Variants in PEX13 observed in about 807,000 individuals in gnomAD.
PEX13 encodes the protein peroxisome biogenesis factor 13.
Under a neutral mutation model 34.5 loss-of-function variants are expected in PEX13, and 28 were observed. The observed-to-expected ratio is 0.81, with a 90% CI of 0.60 to 1.11. The LOEUF is 1.11. Among genes scored for constraint, PEX13 ranks in the 50% most tolerant of loss-of-function variants. PEX13 has a pLI of 0.00. For missense variants in PEX13, 550 were observed against 491.0 expected (o/e 1.12, Z -1.13); for synonymous variants, 177 against 175.1 (o/e 1.01, Z -0.09).
At chr2:61,020,295 C>G (rs1680233656) in intron 1 of PEX13, among the ~76,000 whole-genome samples, 3 of 152,136 alleles carry the variant, frequency 2.0e-5, no homozygotes, top group African/African-American at 7.2e-5. Flanking sequence ...ATTTTTTATT[C>G]CTAGATTATT....
chr2:61,045,852 G>A lies in PEX13; in HGVS notation c.913+1G>A. The stretch of plus-strand genomic sequence containing the variant: ...GATATGCTGAACTTAGCTCTCAAAG[G>A]TAATAAATTATGAATAAGTTGGAAT... On this transcript the variant is annotated splice_donor_variant, in intron 3 of 3. Transcript: ENST00000295030. LOFTEE classifies it high-confidence loss of function. 6.2e-7 allele frequency: 1 copy of A among 1,610,702 alleles called. No individual in the cohort carries two copies. Among genetic ancestry groups the A allele is most frequent in the Non-Finnish European group, 8.5e-7 (1 of 1,177,012 alleles).
intron 2 of PEX13, among the ~76,000 whole-genome samples, chr2:61,038,780 A>G (rs1680574852): frequency 6.6e-6 from 1 of 152,174 alleles, no homozygotes; most frequent in Admixed American, 6.5e-5. Context: ...AGAAAGAAAT[A>G]AAGGGTATTC....
At chr2:61,030,905 T>A (rs1680438787) in intron 1 of PEX13, among the ~76,000 whole-genome samples, 1 of 151,988 alleles carries the variant, frequency 6.6e-6, no homozygotes. Flanking sequence ...GAATATGGGG[T>A]TTCTTTTTTG....
At chr2:61,020,938 A>G (rs1015763953) in intron 1 of PEX13, among the ~76,000 whole-genome samples, 1 of 152,088 alleles carries the variant, frequency 6.6e-6, no homozygotes, top group African/African-American at 2.4e-5. Context: ...TACAGGTGTG[A>G]GTCACTATGC....
intron 2 of PEX13, among the ~76,000 whole-genome samples, chr2:61,044,747 A>G (rs1680679846): frequency 6.6e-6 from 1 of 152,242 alleles, no homozygotes; most frequent in Non-Finnish European, 1.5e-5. Context: ...TGCAAAACTT[A>G]TGCTGGAGTA....
chr2:61,027,412 C>T (rs753056108), intron 1 of PEX13, among the ~76,000 whole-genome samples: 1 of 151,914 alleles, frequency 6.6e-6, no homozygotes, highest in Non-Finnish European at 1.5e-5. Context: ...CACATCAAGT[C>T]GGTCAGTTGT....
At position 61,031,728 on chromosome 2, in the gene PEX13, A is replaced by G; in HGVS notation, c.402A>G (p.Glu134=). 1 of 1,614,206 alleles carries G rather than the reference A, an allele frequency of 6.2e-7. No homozygotes were observed. The highest frequency in any genetic ancestry group is 8.5e-7 in the Non-Finnish European group (1 of 1,180,018). Residue 134 remains glutamate, a synonymous_variant, in exon 2 of 4, where the codon GAA becomes GAG. Coordinates refer to ENST00000295030, the MANE Select transcript of PEX13 (RefSeq NM_002618.4). The part of the protein sequence containing the change: ...ESSRGAFQSI[E]SIVHAFASVS... ...GCAGGGGTGCATTTCAGTCCATTGA[A>G]AGTATTGTGCATGCATTTGCCTCTG...
intron 1 of PEX13, among the ~76,000 whole-genome samples, chr2:61,024,807 T>C (rs1409076415): frequency 6.6e-6 from 1 of 152,112 alleles, no homozygotes; most frequent in Non-Finnish European, 1.5e-5. Context: ...AGACTCCATC[T>C]AAGAACAAAA....
At chr2:61,031,338 A>G (rs1022564679) in intron 1 of PEX13, 81 bp from the exon 2 acceptor site, 10 of 958,376 alleles carry the variant, frequency 1.0e-5, no homozygotes, top group Admixed American at 3.9e-5. Flanking sequence ...AGCACCAGGT[A>G]TATAGGAGAT....
intron 2 of PEX13, among the ~76,000 whole-genome samples, chr2:61,035,581 G>A (rs965119413): frequency 1.3e-5 from 2 of 152,184 alleles, no homozygotes; most frequent in Admixed American, 6.5e-5. Context: ...TTGAAAAAAG[G>A]TTAGATGAAT....
At chr2:61,018,851 A>T (rs1680178970) in intron 1 of PEX13, 1 of 152,244 alleles carries the variant, frequency 6.6e-6, no homozygotes, top group South Asian at 2.1e-4. Flanking sequence ...TTCCCCATTT[A>T]GGCTGCTTGT....
intron 2 of PEX13, 148 bp downstream of exon 2, chr2:61,032,261 T>A: frequency 3.0e-6 from 2 of 661,698 alleles, no homozygotes; most frequent in Admixed American, 5.4e-5. Context: ...CAGAGGAATA[T>A]ATAGCAAAAA....
At chr2:61,040,443 G>A (rs2104809233) in intron 2 of PEX13, among the ~76,000 whole-genome samples, 1 of 152,162 alleles carries the variant, frequency 6.6e-6, no homozygotes, top group Middle Eastern at 3.4e-3. Flanking sequence ...GCAGGGACGT[G>A]GATGAAGCTG....
chr2:61,032,113 G>C lies in PEX13; in HGVS notation c.787G>C (p.Asp263His), dbSNP rs766753038. ...LLSTHSDEVT[D>H]SINWASGEDD... ...GTCTACTCACAGTGATGAAGTAACA[G>C]GTAAGAGAACTGTAAGGGAACAGGT... The change falls in exon 2 of 4, where the codon GAC (aspartate) becomes CAC (histidine). Residue 263 changes from aspartate (D) to histidine (H), a missense_variant and splice_region_variant. By Grantham distance (81) the Asp-to-His change is moderately conservative. Coordinates refer to ENST00000295030, the MANE Select transcript of PEX13 (RefSeq NM_002618.4). The C allele has an allele frequency of 3.1e-6, 5 of 1,600,958 alleles. No homozygotes were observed. The highest frequency in any genetic ancestry group is 4.3e-6 in the Non-Finnish European group (5 of 1,168,264).
At position 61,031,997 on chromosome 2, in the gene PEX13, A is replaced by G; in HGVS notation, c.671A>G (p.Glu224Gly). 1 of 1,613,786 alleles carries G rather than the reference A, an allele frequency of 6.2e-7. No individual in the cohort carries two copies. Among genetic ancestry groups the G allele is most frequent in the Admixed American group, 1.7e-5 (1 of 59,990 alleles). Residue 224 changes from glutamate (E) to glycine (G), a missense_variant, in exon 2 of 4, where the codon GAG becomes GGG. By Grantham distance (98) the Glu-to-Gly change is moderately conservative. Transcript: ENST00000295030. Reference sequence around the variant, plus strand: ...GGAACTGTGGCATGCCTTGGTGCTGAGGACCGAGCAGCTACCTCAGCAAAA... The same window carrying G: ...GGAACTGTGGCATGCCTTGGTGCTGGGGACCGAGCAGCTACCTCAGCAAAA... The part of the protein sequence containing the change: ...SEGTVACLGA[E>G]DRAATSAKSW...
intron 1 of PEX13, among the ~76,000 whole-genome samples, chr2:61,028,734 G>C (rs1345401608): frequency 6.6e-6 from 1 of 152,072 alleles, no homozygotes; most frequent in Non-Finnish European, 1.5e-5. Context: ...TCTTTAGAAG[G>C]TCAGGGATAT....
rs1234299665 is a variant in PEX13, at chr2:61,049,636, G to A, written c.*866G>A. 6.6e-6 allele frequency: 1 copy of A among 152,246 alleles called. No individual in the cohort carries two copies. Among genetic ancestry groups the A allele is most frequent in the Non-Finnish European group, 1.5e-5 (1 of 68,116 alleles). The allele number at this position is 152,246 out of a possible 1,614,324, so 9.4% of individuals were successfully genotyped here. A position where few individuals can be genotyped will look rare whatever the true frequency, so the allele number is the denominator to read the frequency against. On this transcript the variant is annotated 3_prime_UTR_variant, in exon 4 of 4. Coordinates refer to ENST00000295030, the MANE Select transcript of PEX13 (RefSeq NM_002618.4). ...GAAAAATACAAAATTAGCTAGGTGT[G>A]GTGGCACATGCCTGTAATCCCAGCT...
intron 1 of PEX13, chr2:61,018,327 C>G: frequency 6.5e-7 from 1 of 1,534,002 alleles, no homozygotes; most frequent in Non-Finnish European, 8.8e-7. Flanking sequence ...ACTCAAGCCC[C>G]GTACACTTTG....
intron 1 of PEX13, among the ~76,000 whole-genome samples, chr2:61,025,612 G>C (rs1680341335): frequency 1.3e-5 from 2 of 152,126 alleles, no homozygotes; most frequent in African/African-American, 4.8e-5. Flanking sequence ...ACCTGCCTCA[G>C]CCTCCCAAAG....
Sources: allele counts gnomAD v4.1 joint callset (sites outside exome capture counted in the v4.1 genomes callset), GRCh38; gene constraint gnomAD v4.1.1; transcripts MANE v1.5; gene names NCBI Gene and HGNC (gene_info 2026-07-23, HGNC 2026-07-21).